LSAMP: variants seen among roughly 807,000 people sequenced by gnomAD.
LSAMP encodes the protein limbic system-associated membrane protein.
Under a neutral mutation model 38.6 loss-of-function variants are expected in LSAMP, and 7 were observed. The ratio of observed to expected loss-of-function variants is 0.18; its 90% confidence interval spans 0.10 to 0.34. The LOEUF is 0.34. LSAMP is among the 10% of genes least tolerant of loss of function. The pLI, the probability that LSAMP is intolerant of heterozygous loss-of-function variation, is 1.00. For synonymous variants in LSAMP, 154 were observed against 166.8 expected, an observed-to-expected ratio of 0.92 and a Z score of 0.59; for missense variants, 313 against 420.0, an observed-to-expected ratio of 0.75 and a Z score of 2.23.
At chr3:116,103,168 T>C (rs2107453766) in intron 1 of LSAMP, among the ~76,000 whole-genome samples, 1 of 152,248 alleles carries the variant, frequency 6.6e-6, no homozygotes, top group African/African-American at 2.4e-5. Flanking sequence ...AATATACTGA[T>C]ATAATAGACA....
At chr3:115,947,342 A>G (rs1019402109) in intron 3 of LSAMP, among the ~76,000 whole-genome samples, 29 of 152,216 alleles carry the variant, frequency 1.9e-4, no homozygotes, top group African/African-American at 7.0e-4. Context: ...TTATAAAGGA[A>G]GAACTAAAAC....
At chr3:115,821,054 C>T (rs1303867301) in intron 6 of LSAMP, among the ~76,000 whole-genome samples, 1 of 152,194 alleles carries the variant, frequency 6.6e-6, no homozygotes, top group Non-Finnish European at 1.5e-5. Context: ...ATTTATTCTT[C>T]TTCTTACCCT....
Position 115,809,049 on chromosome 3 carries a change from C to T in LSAMP, c.*1268G>A, listed in dbSNP as rs1381847057. 6.6e-6 allele frequency: 1 copy of T among 152,168 alleles called. No homozygotes were observed. Among genetic ancestry groups the T allele is most frequent in the Non-Finnish European group, 1.5e-5 (1 of 68,028 alleles). 9.4% of individuals were successfully genotyped at this position (152,168 alleles called of 1,614,324 possible). On this transcript the variant is annotated 3_prime_UTR_variant, in exon 7 of 7. Transcript: ENST00000490035. ...TCACTGGGAGTTGACACTTGGAGAC[C>T]TTCCTGTTTCTGGGGATTTACTCAA... is the stretch of plus-strand genomic sequence containing the variant.
At chr3:116,234,675 TA>T (rs1296459729) in intron 1 of LSAMP, among the ~76,000 whole-genome samples, 1 of 152,126 alleles carries the variant, frequency 6.6e-6, no homozygotes, top group Non-Finnish European at 1.5e-5. Flanking sequence ...ACAAGCCCTC[TA>T]AAAAATGAAA....
At chr3:115,916,367 C>T (rs747089661) in intron 3 of LSAMP, among the ~76,000 whole-genome samples, 1 of 152,188 alleles carries the variant, frequency 6.6e-6, no homozygotes, top group South Asian at 2.1e-4. Flanking sequence ...GTACAATAAG[C>T]AGATAGAAAT....
chr3:116,043,089 G>A (rs1051315864), intron 2 of LSAMP, among the ~76,000 whole-genome samples: 2 of 152,038 alleles, frequency 1.3e-5, no homozygotes, highest in Non-Finnish European at 1.5e-5. Flanking sequence ...TCTATCTATT[G>A]GAAACGAGTA....
intron 3 of LSAMP, among the ~76,000 whole-genome samples, chr3:115,903,102 G>C (rs1000152065): frequency 5.9e-5 from 9 of 152,122 alleles, no homozygotes; most frequent in Non-Finnish European, 1.3e-4. Context: ...CCTATCAATG[G>C]TTAGACTGGA....
intron 3 of LSAMP, among the ~76,000 whole-genome samples, chr3:116,011,725 A>G (rs1426944046): frequency 6.6e-6 from 1 of 152,224 alleles, no homozygotes; most frequent in Non-Finnish European, 1.5e-5. Flanking sequence ...TTCCAAGGAA[A>G]ATACTCAAGA....
chr3:116,121,518 C>T (rs1275727166), intron 1 of LSAMP, among the ~76,000 whole-genome samples: 1 of 152,124 alleles, frequency 6.6e-6, no homozygotes, highest in Non-Finnish European at 1.5e-5. Context: ...TTTCATTCTC[C>T]CCCAAGTTCT....
intron 1 of LSAMP, among the ~76,000 whole-genome samples, chr3:116,414,325 C>T (rs776290652): frequency 6.6e-6 from 1 of 152,076 alleles, no homozygotes; most frequent in Non-Finnish European, 1.5e-5. Flanking sequence ...TACCCTGCAG[C>T]GCAGTGGATT....
At chr3:116,058,406 T>C (rs1246049640) in intron 2 of LSAMP, among the ~76,000 whole-genome samples, 3 of 151,650 alleles carry the variant, frequency 2.0e-5, no homozygotes, top group Non-Finnish European at 2.9e-5. Flanking sequence ...ACATATTTGC[T>C]CTATCTACAA....
intron 1 of LSAMP, among the ~76,000 whole-genome samples, chr3:116,378,616 A>C (rs2048520470): frequency 6.6e-6 from 1 of 152,076 alleles, no homozygotes; most frequent in Non-Finnish European, 1.5e-5. Context: ...CTTGGCACTG[A>C]AAATGCTGAG....
rs9876079 is a variant in LSAMP at position 116,005,752 on chromosome 3, G to C, written c.514+13763C>G. ...CAAATTTTCCTTTCAGGCTGGCCTT[G>C]GTATGTTACAGGAATAACCCAATGG... is the stretch of plus-strand genomic sequence containing the variant. On this transcript the variant is annotated intron_variant, in intron 3 of 6. Coordinates refer to ENST00000490035, the MANE Select transcript of LSAMP (RefSeq NM_002338.5). Among the ~76,000 whole-genome samples, 1,424 of 152,268 alleles carry C rather than the reference G, an allele frequency of 9.4e-3. 26 individuals are homozygous for C. The highest frequency in any genetic ancestry group is 0.031 in the African/African-American group (1,298 of 41,558).
intron 3 of LSAMP, among the ~76,000 whole-genome samples, chr3:116,010,017 A>C (rs886212089): frequency 1.3e-5 from 2 of 152,116 alleles, no homozygotes; most frequent in African/African-American, 4.8e-5. Flanking sequence ...CCCAGGTTTA[A>C]GCAATTTTCT....
chr3:115,865,354 G>A (rs1439701600), intron 3 of LSAMP, among the ~76,000 whole-genome samples: 2 of 152,020 alleles, frequency 1.3e-5, no homozygotes, highest in African/African-American at 4.8e-5. Context: ...CAAACATATT[G>A]TCTAACATAT....
At chr3:116,251,204 A>T (rs1254719176) in intron 1 of LSAMP, among the ~76,000 whole-genome samples, 1 of 152,156 alleles carries the variant, frequency 6.6e-6, no homozygotes, top group East Asian at 1.9e-4. Context: ...AATTATTGTT[A>T]ATTTAAGGTC....
chr3:116,291,786 G>C (rs1261829407), intron 1 of LSAMP, among the ~76,000 whole-genome samples: 1 of 152,094 alleles, frequency 6.6e-6, no homozygotes, highest in African/African-American at 2.4e-5. Context: ...ACCCCCATTT[G>C]TAAAACAGAC....
chr3:116,393,510 A>G (rs2048729663), intron 1 of LSAMP, among the ~76,000 whole-genome samples: 1 of 152,144 alleles, frequency 6.6e-6, no homozygotes, highest in Non-Finnish European at 1.5e-5. Context: ...TCTGACTTAC[A>G]GTCTCCCTTG....
chr3:116,046,751 G>C (rs1392297548), intron 2 of LSAMP, among the ~76,000 whole-genome samples: 1 of 152,164 alleles, frequency 6.6e-6, no homozygotes, highest in Non-Finnish European at 1.5e-5. Flanking sequence ...CAAATAATAA[G>C]CATCTTCTGA....
Sources: allele counts gnomAD v4.1 joint callset (sites outside exome capture counted in the v4.1 genomes callset), GRCh38; gene constraint gnomAD v4.1.1; transcripts MANE v1.5; gene names NCBI Gene and HGNC (gene_info 2026-07-23, HGNC 2026-07-21).